Variants in PDE8B observed in about 807,000 individuals in gnomAD.
PDE8B encodes phosphodiesterase 8B.
A neutral mutation model predicts 101.3 loss-of-function variants in PDE8B; 26 were observed. The observed-to-expected ratio is 0.26, with a 90% CI of 0.19 to 0.36. PDE8B has a LOEUF of 0.36. Ranked by LOEUF, PDE8B falls within the 10% of genes least tolerant of loss-of-function variation. The probability of loss-of-function intolerance (pLI) is 1.00; values close to 1 mark genes in which losing one functional copy is unlikely to be tolerated. For missense variants in PDE8B, 810 were observed against 1,163.1 expected (o/e 0.70, Z 4.42); for synonymous variants, 424 against 429.3 (o/e 0.99, Z 0.15).
chr5:77,204,246 T>TA, the PDE8B span, among the ~76,000 whole-genome samples: 2 of 151,482 alleles, frequency 1.3e-5, 1 homozygote, highest in South Asian at 4.2e-4. Flanking sequence ...CCATCTCTAC[T>TA]AAAAATATAA....
At chr5:77,343,826 AT>A (rs1293976456) in intron 6 of PDE8B, among the ~76,000 whole-genome samples, 6 of 144,496 alleles carry the variant, frequency 4.2e-5, no homozygotes, top group African/African-American at 4.9e-5. Context: ...TACAAAAAAA[AT>A]GTTTCTTTAT....
At chr5:77,160,100 C>A in the PDE8B span, among the ~76,000 whole-genome samples, 1 of 152,082 alleles carries the variant, frequency 6.6e-6, no homozygotes, top group African/African-American at 2.4e-5. Context: ...ATCTAGGCAT[C>A]CTGTTAAAGC....
intron 1 of PDE8B, among the ~76,000 whole-genome samples, chr5:77,295,276 C>G (rs181851): frequency 6.6e-6 from 1 of 152,018 alleles, no homozygotes; most frequent in Non-Finnish European, 1.5e-5. Flanking sequence ...TGCCAGACCT[C>G]GGGGAATGAA....
the PDE8B span, among the ~76,000 whole-genome samples, chr5:77,190,201 C>T: frequency 6.6e-6 from 1 of 152,136 alleles, no homozygotes; most frequent in Non-Finnish European, 1.5e-5. Context: ...TTCTTGAGTG[C>T]CAAAATGCCC....
chr5:77,370,867 C>T (rs1405761056), intron 10 of PDE8B, among the ~76,000 whole-genome samples: 1 of 152,126 alleles, frequency 6.6e-6, no homozygotes, highest in Non-Finnish European at 1.5e-5. Flanking sequence ...GTGTGCAGGT[C>T]TTAATTTGCA....
chr5:77,402,939 CTTT>C (rs911283129), intron 11 of PDE8B, among the ~76,000 whole-genome samples: 7 of 152,042 alleles, frequency 4.6e-5, no homozygotes, highest in African/African-American at 1.7e-4. Flanking sequence ...GTTATTGCAT[CTTT>C]TTTTTATTCT....
At position 77,371,269 on chromosome 5, in the gene PDE8B, A is replaced by G. The variant is rs542681915; in HGVS notation, c.1167+17863A>G. ...GGTTTTACATTTAGGACTATCATCC[A>G]TCTAGAGTTAGTTTTTGTGTATGGT... On this transcript the variant is annotated intron_variant, in intron 10 of 21. Coordinates refer to ENST00000264917, the MANE Select transcript of PDE8B (RefSeq NM_003719.5). 1.8e-3 allele frequency among the ~76,000 whole-genome samples: 281 copies of G among 152,330 alleles called. 2 individuals are homozygous for G. Among genetic ancestry groups the G allele is most frequent in the African/African-American group, 6.6e-3 (273 of 41,586 alleles).
intron 2 of PDE8B, among the ~76,000 whole-genome samples, chr5:77,318,551 A>G (rs1774338079): frequency 6.6e-6 from 1 of 152,194 alleles, no homozygotes; most frequent in Non-Finnish European, 1.5e-5. Context: ...CCCAACTCCA[A>G]AGAGTTTCTC....
intron 1 of PDE8B, among the ~76,000 whole-genome samples, chr5:77,246,313 G>T (rs1413556737): frequency 1.3e-5 from 2 of 152,150 alleles, no homozygotes; most frequent in African/African-American, 4.8e-5. Flanking sequence ...TCCCTCAGAG[G>T]GCAGGTCCCA....
chr5:77,087,221 G>A, the PDE8B span: 1 of 152,280 alleles, frequency 6.6e-6, no homozygotes, highest in Non-Finnish European at 1.5e-5. Context: ...AAACCTCCGC[G>A]CGTGCCCCTT....
intron 1 of PDE8B, among the ~76,000 whole-genome samples, chr5:77,265,172 G>A (rs922451097): frequency 6.6e-6 from 1 of 152,122 alleles, no homozygotes; most frequent in African/African-American, 2.4e-5. Context: ...TACTCTTATG[G>A]GATGGTTGGG....
intron 1 of PDE8B, among the ~76,000 whole-genome samples, chr5:77,287,992 T>G (rs558743392): frequency 2.0e-5 from 3 of 152,354 alleles, no homozygotes; most frequent in African/African-American, 7.2e-5. Flanking sequence ...TTATTTCTTC[T>G]GAGCATTGGA....
chr5:77,268,837 G>GA (rs1762235457), intron 1 of PDE8B, among the ~76,000 whole-genome samples: 2 of 150,340 alleles, frequency 1.3e-5, no homozygotes, highest in Admixed American at 1.3e-4. Flanking sequence ...ATTGGATAAA[G>GA]AAATGTGGTA....
the PDE8B span, among the ~76,000 whole-genome samples, chr5:77,177,690 C>CTG: frequency 5.9e-5 from 9 of 152,344 alleles, no homozygotes; most frequent in African/African-American, 2.2e-4. Flanking sequence ...AACACCAGCA[C>CTG]TGGAATACCA....
chr5:77,385,302 G>C (rs923386332), intron 10 of PDE8B, among the ~76,000 whole-genome samples: 3 of 152,112 alleles, frequency 2.0e-5, no homozygotes, highest in African/African-American at 7.2e-5. Context: ...TTGTATTTCT[G>C]TGGGATCCAT....
intron 1 of PDE8B, among the ~76,000 whole-genome samples, chr5:77,282,909 C>G (rs1241453277): frequency 1.3e-5 from 2 of 151,816 alleles, no homozygotes; most frequent in Non-Finnish European, 2.9e-5. Context: ...GAATTGGAAC[C>G]TAAGCCCTGT....
chr5:77,277,594 T>C (rs1288005305), intron 1 of PDE8B, among the ~76,000 whole-genome samples: 1 of 152,262 alleles, frequency 6.6e-6, no homozygotes, highest in Non-Finnish European at 1.5e-5. Context: ...TAAGTAGCTA[T>C]ATTTTTAAAA....
At chr5:77,260,356 G>C (rs1332768983) in intron 1 of PDE8B, among the ~76,000 whole-genome samples, 1 of 152,012 alleles carries the variant, frequency 6.6e-6, no homozygotes, top group African/African-American at 2.4e-5. Flanking sequence ...CCATTTGGTT[G>C]GGAAAGGAGG....
the PDE8B span, among the ~76,000 whole-genome samples, chr5:77,120,696 G>C: frequency 6.6e-6 from 1 of 152,118 alleles, no homozygotes; most frequent in African/African-American, 2.4e-5. Flanking sequence ...TAAAAAGTGA[G>C]GTAAAAACAA....
Sources: gnomAD v4.1 joint callset for allele counts (sites outside exome capture counted in the v4.1 genomes callset) on GRCh38, gnomAD v4.1.1 for gene constraint, MANE v1.5 for transcripts, NCBI Gene and HGNC (gene_info 2026-07-23, HGNC 2026-07-21) for gene names.